Variants in ADHFE1 observed in about 807,000 individuals in gnomAD.
ADHFE1 encodes alcohol dehydrogenase iron containing 1.
In ADHFE1, 37 loss-of-function variants were observed where a neutral mutation model predicts 54.8. The ratio of observed to expected loss-of-function variants is 0.68; its 90% CI spans 0.52 to 0.89. ADHFE1 has a LOEUF of 0.89. Among genes scored for constraint, ADHFE1 ranks in the 40% least tolerant of loss-of-function variants. The probability of loss-of-function intolerance (pLI) is 0.00; values close to 1 mark genes in which losing one functional copy is unlikely to be tolerated. For synonymous variants in ADHFE1, 203 were observed against 229.3 expected (o/e 0.89, Z 1.04); for missense variants, 601 against 591.2 (o/e 1.02, Z -0.17).
intron 2 of ADHFE1, among the ~76,000 whole-genome samples, chr8:66,441,864 A>G (rs982215505): frequency 6.6e-6 from 1 of 151,840 alleles, no homozygotes; most frequent in Non-Finnish European, 1.5e-5. Context: ...CCCAGCTGCT[A>G]GGAAGGCTGA....
intron 6 of ADHFE1, 22 bp downstream of exon 6, chr8:66,445,436 G>GT: frequency 6.3e-7 from 1 of 1,578,098 alleles, no homozygotes; most frequent in Non-Finnish European, 8.6e-7. Flanking sequence ...TTATTTCTTT[G>GT]TTTGTTTTAT....
At chr8:66,446,684 A>T (rs149935058) in intron 6 of ADHFE1, among the ~76,000 whole-genome samples, 1 of 152,332 alleles carries the variant, frequency 6.6e-6, no homozygotes, top group African/African-American at 2.4e-5. Flanking sequence ...TGCATATTAA[A>T]CATGACCATG....
intron 1 of ADHFE1, among the ~76,000 whole-genome samples, chr8:66,436,858 G>T (rs537252642): frequency 2.0e-5 from 3 of 152,204 alleles, no homozygotes; most frequent in Non-Finnish European, 4.4e-5. Context: ...CAGCCAGTGC[G>T]ATGAGAAGAA....
In ADHFE1 at chr8:66,446,877, T is replaced by C. The variant is rs192389400; in HGVS notation, c.551-387T>C. 3.3e-4 allele frequency among the ~76,000 whole-genome samples: 50 copies of C among 152,300 alleles called. 1 individual carries two copies. In the East Asian group the frequency reaches 9.0e-3, roughly 28 times the overall value. ...GCATATTAAACAACATAAACATTCA[T>C]CCAGCAGTCATGATACATGTCAAAC... On this transcript the variant is annotated intron_variant, in intron 6 of 13. Coordinates refer to ENST00000396623, the MANE Select transcript of ADHFE1 (RefSeq NM_144650.3).
intron 1 of ADHFE1, among the ~76,000 whole-genome samples, chr8:66,433,533 G>A (rs1201749426): frequency 2.6e-5 from 4 of 152,132 alleles, no homozygotes; most frequent in African/African-American, 4.8e-5. Context: ...TCATAGATAC[G>A]GAAATAAAGG....
chr8:66,454,756 C>T (rs78513766), intron 10 of ADHFE1, among the ~76,000 whole-genome samples: 27,732 of 151,420 alleles, frequency 0.18, 2,681 homozygotes, highest in Middle Eastern at 0.22. Flanking sequence ...CTCTGTTGTC[C>T]AGACTGGAGT....
Position 66,468,383 on chromosome 8 carries a change from G to T in ADHFE1, c.*31G>T. ...ATTTTAACTGAAAGAATTACCGCTG[G>T]CCATTGTAGTGCTGAGAGCAAGAGC... is the stretch of plus-strand genomic sequence containing the variant. On this transcript the variant is annotated 3_prime_UTR_variant, in exon 14 of 14. Transcript: ENST00000396623. The T allele has an allele frequency of 6.3e-7, 1 of 1,580,174 alleles. No individual in the cohort carries two copies. Among genetic ancestry groups the T allele is most frequent in the Non-Finnish European group, 8.7e-7 (1 of 1,155,206 alleles).
At chr8:66,437,485 A>T (rs920254261) in intron 1 of ADHFE1, among the ~76,000 whole-genome samples, 1 of 152,096 alleles carries the variant, frequency 6.6e-6, no homozygotes, top group Non-Finnish European at 1.5e-5. Flanking sequence ...AAGGAGCCCA[A>T]AGAAGCCCAT....
At chr8:66,438,107 T>C (rs189563512) in intron 1 of ADHFE1, among the ~76,000 whole-genome samples, 137 of 152,206 alleles carry the variant, frequency 9.0e-4, no homozygotes, top group African/African-American at 3.1e-3. Flanking sequence ...TGGGGAGCCA[T>C]TGAAGCAGCT....
intron 8 of ADHFE1, among the ~76,000 whole-genome samples, chr8:66,451,490 A>G (rs1806300789): frequency 6.6e-6 from 1 of 152,106 alleles, no homozygotes; most frequent in African/African-American, 2.4e-5. Flanking sequence ...GCTGACCCCA[A>G]AGTCTATATT....
At chr8:66,436,702 A>C (rs184626919) in intron 1 of ADHFE1, among the ~76,000 whole-genome samples, 2 of 152,324 alleles carry the variant, frequency 1.3e-5, no homozygotes, top group East Asian at 3.9e-4. Flanking sequence ...CATCAGCATC[A>C]AAGGTATTTG....
Position 66,459,428 on chromosome 8 carries a change from A to ATT in ADHFE1, c.1163-879_1163-878insTT, listed in dbSNP as rs1453155322. ...ATTTTTATTATATATATATATATAT[A>ATT]TATTTTTTTTTTTTTTTTAACAGAG... is the stretch of plus-strand genomic sequence containing the variant. On this transcript the variant is annotated intron_variant, in intron 12 of 13. Transcript: ENST00000396623. 8.4e-5 allele frequency: 9 copies of ATT among 107,284 alleles called. No homozygotes were observed. The East Asian group carries it at 1.6e-3, about 19-fold the overall frequency. 6.6% of individuals were successfully genotyped at this position (107,284 alleles called of 1,614,324 possible).
At chr8:66,437,402 G>A (rs1805520707) in intron 1 of ADHFE1, among the ~76,000 whole-genome samples, 1 of 152,100 alleles carries the variant, frequency 6.6e-6, no homozygotes, top group African/African-American at 2.4e-5. Flanking sequence ...AAGGAAGCCA[G>A]AATAAGGGGG....
chr8:66,452,767 C>G (rs561259351), intron 9 of ADHFE1, among the ~76,000 whole-genome samples: 1 of 152,322 alleles, frequency 6.6e-6, no homozygotes, highest in East Asian at 1.9e-4. Context: ...CAAGTATATA[C>G]ATACATGTAT....
chr8:66,453,968 T>C, intron 9 of ADHFE1, 91 bp from the exon 10 acceptor site: 1 of 1,550,946 alleles, frequency 6.4e-7, no homozygotes, highest in Non-Finnish European at 8.7e-7. Flanking sequence ...ATTTCTTTTT[T>C]TTTCACCATA....
intron 7 of ADHFE1, among the ~76,000 whole-genome samples, 177 bp downstream of exon 7, chr8:66,447,518 A>G (rs1806091889): frequency 6.6e-6 from 1 of 152,228 alleles, no homozygotes; most frequent in Non-Finnish European, 1.5e-5. Flanking sequence ...AGTAGCTAGA[A>G]GAGAGGACTT....
At position 66,443,264 on chromosome 8, in the gene ADHFE1, A is replaced by ATTTTTTTTTTTTTTTTT. The variant is rs540464621; in HGVS notation, c.144+436_144+452dup. 2.1e-4 allele frequency among the ~76,000 whole-genome samples: 18 copies of ATTTTTTTTTTTTTTTTT among 86,096 alleles called. 1 individual carries two copies. The highest frequency in any genetic ancestry group is 3.7e-4 in the African/African-American group (9 of 24,152). 56.5% of individuals were successfully genotyped at this position (86,096 alleles called of 152,430 possible). A position where few individuals can be genotyped will look rare whatever the true frequency, so the allele number is the denominator to read the frequency against. Reference sequence around the variant, plus strand: ...GTCCCTGTCTCCTCCTAGTCCAGGAATTTTTTTTTTTTTTTTTTTTTTTTT... The same window carrying ATTTTTTTTTTTTTTTTT: ...GTCCCTGTCTCCTCCTAGTCCAGGAATTTTTTTTTTTTTTTTTTTTTTTTTTTTTTTTTTTTTTTTTT... On this transcript the variant is annotated intron_variant, in intron 3 of 13. Transcript: ENST00000396623.
chr8:66,448,721 C>A, intron 7 of ADHFE1, 144 bp from the exon 8 acceptor site: 1 of 774,544 alleles, frequency 1.3e-6, no homozygotes, highest in Non-Finnish European at 2.1e-6. Context: ...AAATCACTTT[C>A]CATTGCTCCT....
At position 66,439,256 on chromosome 8, in the gene ADHFE1, G is replaced by A. The variant is rs1202676962; in HGVS notation, c.60-906G>A. Reference sequence around the variant, plus strand: ...TCCAGATTTGAATTTTTGGCGGGGAGAAGGAAGTGATGCACTCAAGTATCT... The same window carrying A: ...TCCAGATTTGAATTTTTGGCGGGGAAAAGGAAGTGATGCACTCAAGTATCT... On this transcript the variant is annotated intron_variant, in intron 1 of 13. Transcript: ENST00000396623. This position sits in a 1 kb window ranked among gnomAD's most constrained non-coding sequence, Gnocchi z 4.4. The A allele has an allele frequency of 2.0e-6, 2 of 985,504 alleles. No homozygotes were observed. Among genetic ancestry groups the A allele is most frequent in the Non-Finnish European group, 2.4e-6 (2 of 830,006 alleles). The allele number at this position is 985,504 out of a possible 1,614,324, so 61.0% of individuals were successfully genotyped here.
Sources: allele counts gnomAD v4.1 joint callset (sites outside exome capture counted in the v4.1 genomes callset), GRCh38; gene constraint gnomAD v4.1.1; non-coding constraint Gnocchi (gnomAD v3.1); transcripts MANE v1.5; gene names NCBI Gene and HGNC (gene_info 2026-07-23, HGNC 2026-07-21).